NEK11: variants seen among roughly 807,000 people sequenced by gnomAD.
NEK11 encodes the protein NIMA related kinase 11.
A neutral mutation model predicts 80.7 loss-of-function variants in NEK11; 72 were observed. The ratio of observed to expected loss-of-function variants is 0.89; its 90% CI spans 0.74 to 1.08. The LOEUF (loss-of-function observed/expected upper bound fraction) is 1.08. Ranked by LOEUF, NEK11 falls within the 50% of genes least tolerant of loss-of-function variation. NEK11 has a pLI of 0.00. For synonymous variants in NEK11, 251 were observed against 260.7 expected, an observed-to-expected ratio of 0.96 and a Z score of 0.36; for missense variants, 764 against 763.6, an observed-to-expected ratio of 1.00 and a Z score of -0.01.
chr3:131,143,655 T>G (rs2087474251), intron 7 of NEK11, among the ~76,000 whole-genome samples: 2 of 152,084 alleles, frequency 1.3e-5, no homozygotes, highest in Admixed American at 1.3e-4. Flanking sequence ...TATGTTAAAG[T>G]TTGGGAAACA....
intron 5 of NEK11, among the ~76,000 whole-genome samples, chr3:131,123,419 C>A (rs934373297): frequency 6.6e-6 from 1 of 152,168 alleles, no homozygotes; most frequent in Non-Finnish European, 1.5e-5. Flanking sequence ...CCTGCCTCGG[C>A]CTCCCAAAGT....
chr3:131,170,681 A>G, intron 13 of NEK11, 92 bp from the exon 14 acceptor site: 2 of 830,160 alleles, frequency 2.4e-6, no homozygotes, highest in Non-Finnish European at 2.1e-6. Context: ...CTTGTTTCCA[A>G]GTAGTCTTCT....
chr3:131,118,557 A>C (rs1278014671), intron 5 of NEK11, among the ~76,000 whole-genome samples: 2 of 152,094 alleles, frequency 1.3e-5, no homozygotes, highest in African/African-American at 4.8e-5. Flanking sequence ...ATACCAATTC[A>C]TGTTTGTACC....
intron 4 of NEK11, among the ~76,000 whole-genome samples, chr3:131,105,942 T>C (rs967848954): frequency 3.9e-5 from 6 of 152,352 alleles, no homozygotes; most frequent in Non-Finnish European, 7.4e-5. Flanking sequence ...TCATAACTTA[T>C]GCTTTTCCTT....
chr3:131,032,917 T>G (rs1286190215), intron 3 of NEK11, among the ~76,000 whole-genome samples: 3 of 152,226 alleles, frequency 2.0e-5, no homozygotes, highest in African/African-American at 7.2e-5. Context: ...ACCCAATGAC[T>G]GCAATTGGAA....
At chr3:131,306,028 G>C (rs2096719996) in intron 17 of NEK11, among the ~76,000 whole-genome samples, 1 of 152,038 alleles carries the variant, frequency 6.6e-6, no homozygotes, top group Non-Finnish European at 1.5e-5. Flanking sequence ...TTTTGGTTCT[G>C]TCTTAGGATT....
intron 14 of NEK11, 144 bp from the exon 15 acceptor site, chr3:131,228,384 C>A: frequency 1.7e-6 from 1 of 578,214 alleles, no homozygotes; most frequent in Non-Finnish European, 2.8e-6. Context: ...CCAAATACTT[C>A]CAGGAAGCTG....
chr3:131,326,502 C>G (rs2096968564), intron 17 of NEK11, among the ~76,000 whole-genome samples: 1 of 152,202 alleles, frequency 6.6e-6, no homozygotes, highest in Non-Finnish European at 1.5e-5. Context: ...TTTAGGAATG[C>G]CCTTCTCCCA....
At chr3:131,057,640 G>A (rs1210479462) in intron 3 of NEK11, among the ~76,000 whole-genome samples, 1 of 152,160 alleles carries the variant, frequency 6.6e-6, no homozygotes, top group Admixed American at 6.5e-5. Context: ...GATGGCCAGT[G>A]ATGGTGAGCA....
At position 131,029,834 on chromosome 3, in the gene NEK11, T is replaced by C. The variant is rs756830923; in HGVS notation, c.126T>C (p.Thr42=). Residue 42 remains threonine, a synonymous_variant, in exon 3 of 18, where the codon ACT becomes ACC. Coordinates refer to ENST00000383366, the MANE Select transcript of NEK11 (RefSeq NM_024800.5). ...QQKLGSGSFG[T]VYLVSDKKAK... is the part of the protein sequence containing the mutation. ...AACTTGGCAGTGGAAGTTTTGGAACTGTCTATCTGGTTTCAGACAAGAAAG... is the reference window on the plus strand; with the variant it reads ...AACTTGGCAGTGGAAGTTTTGGAACCGTCTATCTGGTTTCAGACAAGAAAG... 2 of 1,614,250 alleles carry C rather than the reference T, an allele frequency of 1.2e-6. No individual in the cohort carries two copies. Among genetic ancestry groups the C allele is most frequent in the South Asian group, 2.2e-5 (2 of 91,080 alleles).
At chr3:131,331,946 A>G (rs2110072086) in intron 17 of NEK11, among the ~76,000 whole-genome samples, 1 of 152,336 alleles carries the variant, frequency 6.6e-6, no homozygotes, top group South Asian at 2.1e-4. Flanking sequence ...TTGCTTAGGT[A>G]AACAAAGCAG....
intron 7 of NEK11, among the ~76,000 whole-genome samples, chr3:131,151,755 G>C (rs2149803048): frequency 6.6e-6 from 1 of 151,746 alleles, no homozygotes; most frequent in South Asian, 2.1e-4. Context: ...TGGTTTAGAG[G>C]TTATTGATTT....
chr3:131,108,476 G>A, intron 4 of NEK11, among the ~76,000 whole-genome samples: 1 of 152,078 alleles, frequency 6.6e-6, no homozygotes, highest in East Asian at 1.9e-4. Context: ...TTCTTTAGAG[G>A]AACATTTCTC....
chr3:131,295,736 T>C (rs1204446067), intron 17 of NEK11, among the ~76,000 whole-genome samples: 1 of 152,224 alleles, frequency 6.6e-6, no homozygotes, highest in African/African-American at 2.4e-5. Context: ...TTGAGCAGAT[T>C]CCCTTATCTC....
At chr3:131,266,342 T>C (rs2096057948) in intron 16 of NEK11, among the ~76,000 whole-genome samples, 1 of 152,230 alleles carries the variant, frequency 6.6e-6, no homozygotes, top group Non-Finnish European at 1.5e-5. Flanking sequence ...CTTGTGGGCA[T>C]TTCATGCTAT....
chr3:131,203,580 A>G (rs922191905), intron 14 of NEK11, among the ~76,000 whole-genome samples: 3 of 139,050 alleles, frequency 2.2e-5, no homozygotes, highest in African/African-American at 8.0e-5. Flanking sequence ...AAAGTATAAT[A>G]AAAAAAAAAA....
At chr3:131,055,848 A>G (rs754853207) in intron 3 of NEK11, among the ~76,000 whole-genome samples, 1 of 152,226 alleles carries the variant, frequency 6.6e-6, no homozygotes, top group African/African-American at 2.4e-5. Flanking sequence ...AGCAGTAAAT[A>G]TTTAGTCTGA....
At chr3:131,202,031 C>T (rs943170699) in intron 14 of NEK11, among the ~76,000 whole-genome samples, 17 of 151,966 alleles carry the variant, frequency 1.1e-4, no homozygotes, top group Non-Finnish European at 1.9e-4. Flanking sequence ...GACGGGGTTT[C>T]ACCATGTTAG....
chr3:131,233,505 T>A (rs1159269482), intron 15 of NEK11, among the ~76,000 whole-genome samples: 1 of 152,158 alleles, frequency 6.6e-6, no homozygotes, highest in African/African-American at 2.4e-5. Flanking sequence ...TGCATCAAAC[T>A]AGAATTTAAC....
Sources: allele counts gnomAD v4.1 joint callset (sites outside exome capture counted in the v4.1 genomes callset), GRCh38; gene constraint gnomAD v4.1.1; transcripts MANE v1.5; gene names NCBI Gene and HGNC (gene_info 2026-07-23, HGNC 2026-07-21).